MRPL39: variants seen among roughly 807,000 people sequenced by gnomAD.
MRPL39 encodes large ribosomal subunit protein mL39.
A neutral mutation model predicts 44.5 loss-of-function variants in MRPL39; 35 were observed. That is an observed-to-expected ratio of 0.79 (90% CI 0.60 to 1.04). The LOEUF (loss-of-function observed/expected upper bound fraction) is 1.04, where lower values mean the gene tolerates loss of function less well. MRPL39 is among the 50% of genes least tolerant of loss of function. The pLI, the probability that MRPL39 is intolerant of heterozygous loss-of-function variation, is 0.00. For missense variants in MRPL39, 433 were observed against 413.5 expected (o/e 1.05, Z -0.41); for synonymous variants, 139 against 136.1 (o/e 1.02, Z -0.15).
chr21:25,597,451 A>G, intron 5 of MRPL39, 37 bp from the exon 6 acceptor site: 1 of 1,199,252 alleles, frequency 8.3e-7, no homozygotes, highest in Non-Finnish European at 1.2e-6. Flanking sequence ...GTAACAATTC[A>G]CTGAAAAGCA....
intron 9 of MRPL39, 95 bp downstream of exon 9, chr21:25,588,740 T>C (rs1016260512): frequency 8.5e-7 from 1 of 1,181,220 alleles, no homozygotes; most frequent in Non-Finnish European, 1.2e-6. Flanking sequence ...TCCTTTCTCT[T>C]TGTTTCTTTC....
chr21:25,606,140 A>G (rs2031658394), intron 2 of MRPL39, among the ~76,000 whole-genome samples: 1 of 152,122 alleles, frequency 6.6e-6, no homozygotes, highest in Non-Finnish European at 1.5e-5. Flanking sequence ...ACATCTGGCT[A>G]ATTTATTTCT....
At chr21:25,607,774 C>G (rs1440243986), upstream of MRPL39, among the ~76,000 whole-genome samples, 1 of 152,080 alleles carries the variant, frequency 6.6e-6, no homozygotes, top group Non-Finnish European at 1.5e-5. Flanking sequence ...CAGAGTTCCA[C>G]AGGCGTCGTT....
Position 25,606,647 on chromosome 21 carries a change from C to T in MRPL39, c.82G>A (p.Ala28Thr), listed in dbSNP as rs771380688. The change falls in exon 2 of 10, where the codon GCA (alanine) becomes ACA (threonine). Residue 28 changes from alanine (A) to threonine (T), a missense_variant. Coordinates refer to ENST00000352957, the MANE Select transcript of MRPL39 (RefSeq NM_017446.4). ...GACAGCTGAGAAGCTGACGATGTTG[C>T]TATAAATCCTGTGGAGAAGTTACAA... Reference protein sequence around the residue: ...PGGGIKWRFIATSSASQLSPT... With the variant: ...PGGGIKWRFITTSSASQLSPT... The T allele has an allele frequency of 6.2e-7, 1 of 1,609,690 alleles. No homozygotes were observed. Among genetic ancestry groups the T allele is most frequent in the Non-Finnish European group, 8.5e-7 (1 of 1,176,554 alleles).
At chr21:25,599,768 TA>T in intron 5 of MRPL39, 30 bp downstream of exon 5, 2 of 1,564,144 alleles carry the variant, frequency 1.3e-6, no homozygotes. Context: ...GCAGACACTC[TA>T]AAATTAATAC....
chr21:25,606,245 G>C (rs9305258), intron 2 of MRPL39, among the ~76,000 whole-genome samples: 1 of 152,060 alleles, frequency 6.6e-6, no homozygotes, highest in South Asian at 2.1e-4. Context: ...CTCCCAAGTA[G>C]CTGGGATTTG....
intron 3 of MRPL39, among the ~76,000 whole-genome samples, 157 bp from the exon 4 acceptor site, chr21:25,601,624 C>T (rs1415140200): frequency 6.6e-5 from 10 of 152,144 alleles, no homozygotes; most frequent in Non-Finnish European, 1.3e-4. Flanking sequence ...CAGGCCATGA[C>T]GTTACCTCGA....
At chr21:25,588,109 A>C (rs920986751) in intron 9 of MRPL39, among the ~76,000 whole-genome samples, 11 of 152,164 alleles carry the variant, frequency 7.2e-5, no homozygotes, top group African/African-American at 2.4e-4. Context: ...CAGGAGATCG[A>C]GACCATCCTG....
chr21:25,603,774 A>T, intron 3 of MRPL39, 22 bp downstream of exon 3: 1 of 1,581,908 alleles, frequency 6.3e-7, no homozygotes, highest in Non-Finnish European at 8.6e-7. Context: ...GAAATAGAAA[A>T]AGAATGTAGA....
At chr21:25,606,307 G>T in intron 2 of MRPL39, 142 bp downstream of exon 2, 1 of 657,670 alleles carries the variant, frequency 1.5e-6, no homozygotes, top group Non-Finnish European at 2.5e-6. Flanking sequence ...CACCATGCAG[G>T]TCTCAAGAAA....
intron 8 of MRPL39, 134 bp downstream of exon 8, chr21:25,592,678 T>C (rs955736538): frequency 3.2e-6 from 2 of 624,428 alleles, no homozygotes; most frequent in African/African-American, 1.9e-5. Flanking sequence ...ATCATAAACC[T>C]GAGTTTATAA....
In MRPL39 at chr21:25,606,555, TA is replaced by T; in HGVS notation, c.173del (p.Leu58Ter). 1 of 1,613,952 alleles carries T rather than the reference TA, an allele frequency of 6.2e-7. No homozygotes were observed. Among genetic ancestry groups the T allele is most frequent in the South Asian group, 1.1e-5 (1 of 91,082 alleles). On this transcript the variant is annotated frameshift_variant, in exon 2 of 10. Transcript: ENST00000352957. LOFTEE classifies it high-confidence loss of function. ...CTTCTATCTTCTCAGTTCGGGGAGT[TA>T]ATGATAACTGCCTGGCTTTCTCTTT... ...FNKEKARQLS[L>X]TPRTEKIEVK... is the part of the protein sequence containing the mutation.
intron 9 of MRPL39, among the ~76,000 whole-genome samples, chr21:25,588,084 G>C (rs536690313): frequency 1.5e-4 from 23 of 152,232 alleles, no homozygotes; most frequent in African/African-American, 5.5e-4. Context: ...GGCTGAGGGG[G>C]GTGGATCACG....
intron 9 of MRPL39, chr21:25,587,627 A>G: frequency 1.7e-6 from 2 of 1,177,596 alleles, no homozygotes; most frequent in African/African-American, 1.5e-5. Context: ...GGCAAAGAAA[A>G]CAATCAAAAA....
chr21:25,597,344 T>G lies in MRPL39; in HGVS notation c.659A>C (p.Glu220Ala), dbSNP rs1403100655. The G allele has an allele frequency of 6.2e-7, 1 of 1,603,554 alleles. No individual in the cohort carries two copies. ...IYKDLPFETL[E>A]VEAKVALEIF... ...TTCCAATGCCACTTTTGCTTCAACT[T>G]CCAGAGTTTCAAATGGAAGATCTTT... is the stretch of plus-strand genomic sequence containing the variant. The change falls in exon 6 of 10, where the codon GAA becomes GCA. Residue 220 changes from glutamate (E) to alanine (A), a missense_variant. Physicochemically the swap from Glu to Ala is moderately radical, Grantham distance 107. Transcript: ENST00000352957.
At chr21:25,605,889 T>C (rs2031649711) in intron 2 of MRPL39, among the ~76,000 whole-genome samples, 1 of 152,110 alleles carries the variant, frequency 6.6e-6, no homozygotes, top group East Asian at 1.9e-4. Flanking sequence ...TAAAATTAAA[T>C]TAAATTAAAG....
chr21:25,588,046 T>TCACGCCTGTAATCCCAG (rs1255874617), intron 9 of MRPL39, among the ~76,000 whole-genome samples: 2 of 152,194 alleles, frequency 1.3e-5, no homozygotes, highest in African/African-American at 4.8e-5. Flanking sequence ...GCGCGGTGGC[T>TCACGCCTGTAATCCCAG]CACGCCTGTA....
intron 8 of MRPL39, among the ~76,000 whole-genome samples, chr21:25,589,457 G>A (rs1485868848): frequency 6.8e-6 from 1 of 146,616 alleles, no homozygotes; most frequent in South Asian, 2.1e-4. Flanking sequence ...TCACTCTGTC[G>A]CCCAGGCTGG....
chr21:25,589,076 C>T (rs530510031), intron 8 of MRPL39, among the ~76,000 whole-genome samples, 194 bp from the exon 9 acceptor site: 1 of 152,258 alleles, frequency 6.6e-6, no homozygotes, highest in Non-Finnish European at 1.5e-5. Flanking sequence ...TTGCTTTCTT[C>T]AATCGCATGA....
Sources: allele counts gnomAD v4.1 joint callset (sites outside exome capture counted in the v4.1 genomes callset), GRCh38; gene constraint gnomAD v4.1.1; transcripts MANE v1.5; gene names NCBI Gene and HGNC (gene_info 2026-07-23, HGNC 2026-07-21).